The following GABRB1 variants were observed in gnomAD, a reference collection of about 807,000 sequenced individuals.
The protein encoded by GABRB1 is gamma-aminobutyric acid receptor subunit beta-1.
Under a neutral mutation model 51.6 loss-of-function variants are expected in GABRB1, and 17 were observed. The ratio of observed to expected loss-of-function variants is 0.33; its 90% CI spans 0.23 to 0.49. The LOEUF (loss-of-function observed/expected upper bound fraction) is 0.49. Ranked by LOEUF, GABRB1 falls within the 20% of genes least tolerant of loss-of-function variation. The pLI, the probability that GABRB1 is intolerant of heterozygous loss-of-function variation, is 0.99. For synonymous variants in GABRB1, 247 were observed against 218.9 expected, an observed-to-expected ratio of 1.13 and a Z score of -1.14; for missense variants, 410 against 600.6, an observed-to-expected ratio of 0.68 and a Z score of 3.32.
At chr4:47,125,252 TCTC>T (rs1716062361) in intron 3 of GABRB1, among the ~76,000 whole-genome samples, 1 of 152,076 alleles carries the variant, frequency 6.6e-6, no homozygotes, top group African/African-American at 2.4e-5. Context: ...ATATGGATCT[TCTC>T]AGACAAATAA....
At position 47,315,952 on chromosome 4, in the gene GABRB1, G is replaced by T. The variant is rs949901323; in HGVS notation, c.462-4175G>T. Among the ~76,000 whole-genome samples the T allele has an allele frequency of 6.6e-5, 10 of 151,706 alleles. 1 individual carries two copies. Among genetic ancestry groups the T allele is most frequent in the Admixed American group, 5.9e-4 (9 of 15,206 alleles). On this transcript the variant is annotated intron_variant, in intron 4 of 8. Coordinates refer to ENST00000295454, the MANE Select transcript of GABRB1 (RefSeq NM_000812.4). ...TATTGGATACTATGACTATTACCTG[G>T]GTGGTGAAATAGTCTGTACACCAAA...
At chr4:47,189,665 G>C (rs1719353486) in intron 4 of GABRB1, among the ~76,000 whole-genome samples, 1 of 151,894 alleles carries the variant, frequency 6.6e-6, no homozygotes, top group Non-Finnish European at 1.5e-5. Flanking sequence ...TTCCTAAACA[G>C]AGGTTTTGTT....
intron 4 of GABRB1, among the ~76,000 whole-genome samples, chr4:47,187,992 G>A (rs1245208987): frequency 6.6e-6 from 1 of 151,798 alleles, no homozygotes; most frequent in African/African-American, 2.4e-5. Context: ...CTCTTACCCT[G>A]ATTTGTTTTT....
intron 4 of GABRB1, among the ~76,000 whole-genome samples, chr4:47,292,417 T>G (rs929737918): frequency 2.6e-5 from 4 of 152,226 alleles, no homozygotes; most frequent in Admixed American, 6.5e-5. Flanking sequence ...AAAAATTTAC[T>G]TCTAAAAATA....
chr4:46,998,577 C>T (rs1577810506), intron 1 of GABRB1, among the ~76,000 whole-genome samples: 5 of 151,410 alleles, frequency 3.3e-5, no homozygotes, highest in Admixed American at 3.3e-4. Flanking sequence ...ACTAAAAATA[C>T]AAAAAAATTA....
intron 5 of GABRB1, among the ~76,000 whole-genome samples, chr4:47,381,053 G>T (rs1016679306): frequency 6.6e-6 from 1 of 152,128 alleles, no homozygotes; most frequent in African/African-American, 2.4e-5. Flanking sequence ...TAGCACAGGG[G>T]TAATTGCCAC....
intron 4 of GABRB1, among the ~76,000 whole-genome samples, chr4:47,200,402 TA>T (rs1201575421): frequency 2.0e-5 from 3 of 152,186 alleles, no homozygotes; most frequent in African/African-American, 4.8e-5. Flanking sequence ...AAGGATCATC[TA>T]CATGGATTTA....
chr4:47,343,969 C>A (rs910546163), intron 5 of GABRB1, among the ~76,000 whole-genome samples: 3 of 152,172 alleles, frequency 2.0e-5, no homozygotes, highest in Admixed American at 6.5e-5. Flanking sequence ...GCTTTTTAAT[C>A]TCTGTACAAC....
At chr4:47,105,312 A>C (rs2109615802) in intron 3 of GABRB1, among the ~76,000 whole-genome samples, 1 of 151,682 alleles carries the variant, frequency 6.6e-6, no homozygotes, top group Non-Finnish European at 1.5e-5. Flanking sequence ...TCTCTCTTTT[A>C]TCTCTCTCTC....
At chr4:47,089,964 A>G (rs941227461) in intron 3 of GABRB1, among the ~76,000 whole-genome samples, 5 of 152,346 alleles carry the variant, frequency 3.3e-5, no homozygotes, top group African/African-American at 1.2e-4. Context: ...GGCAGAAATT[A>G]TACTTTTCCT....
chr4:47,109,285 A>G (rs1027569213), intron 3 of GABRB1, among the ~76,000 whole-genome samples: 1 of 152,074 alleles, frequency 6.6e-6, no homozygotes, highest in Non-Finnish European at 1.5e-5. Flanking sequence ...AATAACATAG[A>G]GGTGGGTAAC....
chr4:47,227,698 G>A (rs1720995509), intron 4 of GABRB1, among the ~76,000 whole-genome samples: 1 of 152,116 alleles, frequency 6.6e-6, no homozygotes, highest in South Asian at 2.1e-4. Flanking sequence ...TCTTAGTTTG[G>A]TAGGGCTGCC....
At chr4:47,287,402 T>C (rs1239232490) in intron 4 of GABRB1, among the ~76,000 whole-genome samples, 1 of 152,246 alleles carries the variant, frequency 6.6e-6, no homozygotes, top group Non-Finnish European at 1.5e-5. Context: ...TGACACCTGA[T>C]CCTATCAGGG....
intron 8 of GABRB1, among the ~76,000 whole-genome samples, chr4:47,408,851 GA>G (rs1455511927): frequency 2.6e-5 from 4 of 152,112 alleles, no homozygotes; most frequent in African/African-American, 9.7e-5. Context: ...GATAAGTCAC[GA>G]GGGAAAACCC....
intron 5 of GABRB1, among the ~76,000 whole-genome samples, chr4:47,360,748 A>G (rs781111893): frequency 6.6e-5 from 10 of 152,074 alleles, no homozygotes; most frequent in African/African-American, 9.7e-5. Context: ...CGATTACCAT[A>G]TGTGTTATTA....
chr4:47,058,712 G>A (rs1049278151), intron 3 of GABRB1, among the ~76,000 whole-genome samples: 26 of 152,280 alleles, frequency 1.7e-4, no homozygotes, highest in African/African-American at 6.0e-4. Flanking sequence ...ACATATTGCA[G>A]TTCCCAGTAA....
intron 1 of GABRB1, among the ~76,000 whole-genome samples, chr4:47,026,151 A>AAAATAAAT (rs577516962): frequency 1.6e-4 from 24 of 152,108 alleles, no homozygotes; most frequent in Admixed American, 1.5e-3. Context: ...CCTTAGTGTA[A>AAAATAAAT]AAATAAATAA....
chr4:47,249,909 A>T (rs923756601), intron 4 of GABRB1, among the ~76,000 whole-genome samples: 1 of 152,160 alleles, frequency 6.6e-6, no homozygotes. Context: ...TATGTGGAGC[A>T]TTTAGGCCAT....
intron 3 of GABRB1, among the ~76,000 whole-genome samples, chr4:47,068,485 C>T (rs1229407483): frequency 6.6e-6 from 1 of 152,188 alleles, no homozygotes; most frequent in Non-Finnish European, 1.5e-5. Context: ...AGACATTCAA[C>T]TCTTTCTTTT....
Sources: gnomAD v4.1 joint callset for allele counts (sites outside exome capture counted in the v4.1 genomes callset) on GRCh38, gnomAD v4.1.1 for gene constraint, MANE v1.5 for transcripts, NCBI Gene and HGNC (gene_info 2026-07-23, HGNC 2026-07-21) for gene names.